The following MED13L variants were observed in gnomAD, a reference collection of about 807,000 sequenced individuals.
MED13L encodes mediator complex subunit 13L.
A neutral mutation model predicts 220.9 loss-of-function variants in MED13L; 7 were observed. That is an observed-to-expected ratio of 0.03 (90% CI 0.02 to 0.06). MED13L has a LOEUF of 0.06. Ranked by LOEUF, MED13L falls within the 10% of genes least tolerant of loss-of-function variation. MED13L has a pLI of 1.00. For missense variants in MED13L, 1,965 were observed against 2,760.5 expected, an observed-to-expected ratio of 0.71 and a Z score of 6.46; for synonymous variants, 1,011 against 1,015.2, an observed-to-expected ratio of 1.00 and a Z score of 0.08.
intron 2 of MED13L, among the ~76,000 whole-genome samples, chr12:116,180,931 CT>C (rs11320330): frequency 0.64 from 77,500 of 120,846 alleles, 22,870 homozygotes; most frequent in Admixed American, 0.7. Flanking sequence ...TTCTCTCTCT[CT>C]TTTTTTTTTT....
At chr12:115,988,904 T>C (rs1242930008) in intron 17 of MED13L, among the ~76,000 whole-genome samples, 2 of 152,244 alleles carry the variant, frequency 1.3e-5, no homozygotes, top group Non-Finnish European at 2.9e-5. Flanking sequence ...AAAGGCTGCA[T>C]TTTCTTCACT....
intron 2 of MED13L, among the ~76,000 whole-genome samples, chr12:116,136,444 G>A (rs1323521628): frequency 1.3e-5 from 2 of 152,142 alleles, no homozygotes; most frequent in Non-Finnish European, 1.5e-5. Flanking sequence ...AAGTGTGTAT[G>A]TGTGTGTGTA....
Position 116,014,405 on chromosome 12 carries a change from T to G in MED13L, c.1175+704A>C, listed in dbSNP as rs1478934108. Reference sequence around the variant, plus strand: ...ACTCATATTAAAACAGAGATGAAACTGTGCTGATTATGTTTACATAAATCT... The same window carrying G: ...ACTCATATTAAAACAGAGATGAAACGGTGCTGATTATGTTTACATAAATCT... On this transcript the variant is annotated intron_variant, in intron 8 of 30. Transcript: ENST00000281928. 1.3e-5 allele frequency among the ~76,000 whole-genome samples: 2 copies of G among 152,226 alleles called. 1 individual carries two copies. Among genetic ancestry groups the G allele is most frequent in the East Asian group, 3.8e-4 (2 of 5,198 alleles).
chr12:116,171,867 C>T (rs757751242), intron 2 of MED13L, among the ~76,000 whole-genome samples: 5 of 152,120 alleles, frequency 3.3e-5, no homozygotes, highest in African/African-American at 4.8e-5. Flanking sequence ...CACATGTATT[C>T]GTATTAAATT....
chr12:115,976,394 G>A (rs774068914), intron 23 of MED13L, among the ~76,000 whole-genome samples: 8 of 152,070 alleles, frequency 5.3e-5, no homozygotes, highest in African/African-American at 1.4e-4. Context: ...AAAAGAAGCC[G>A]AATGTGAAAG....
chr12:116,084,128 C>T (rs1186239689), intron 4 of MED13L, among the ~76,000 whole-genome samples: 2 of 152,130 alleles, frequency 1.3e-5, no homozygotes, highest in Non-Finnish European at 2.9e-5. Context: ...AAGGAAGAAT[C>T]CTCTAGTTTG....
intron 4 of MED13L, among the ~76,000 whole-genome samples, chr12:116,025,514 G>A (rs1880335688): frequency 6.6e-6 from 1 of 152,176 alleles, no homozygotes; most frequent in African/African-American, 2.4e-5. Context: ...TGAAGAAAAT[G>A]TGGTATATAA....
intron 2 of MED13L, among the ~76,000 whole-genome samples, chr12:116,118,416 CTA>C (rs1874717867): frequency 6.6e-6 from 1 of 152,022 alleles, no homozygotes; most frequent in Non-Finnish European, 1.5e-5. Context: ...TTTAAATTTC[CTA>C]TGTCTTAGAT....
chr12:116,151,974 A>G (rs917838486), intron 2 of MED13L, among the ~76,000 whole-genome samples: 1 of 152,196 alleles, frequency 6.6e-6, no homozygotes, highest in Non-Finnish European at 1.5e-5. Context: ...GACCCCTCAA[A>G]TACAACCTCT....
intron 4 of MED13L, among the ~76,000 whole-genome samples, chr12:116,047,886 T>C (rs1881933406): frequency 6.6e-6 from 1 of 152,158 alleles, no homozygotes; most frequent in Non-Finnish European, 1.5e-5. Flanking sequence ...TTCAATAGTA[T>C]GGAAAGGATA....
At chr12:116,075,397 T>G (rs1870701013) in intron 4 of MED13L, among the ~76,000 whole-genome samples, 1 of 152,226 alleles carries the variant, frequency 6.6e-6, no homozygotes, top group Non-Finnish European at 1.5e-5. Flanking sequence ...ATAAACGTCC[T>G]GCCCTTCTCC....
intron 14 of MED13L, among the ~76,000 whole-genome samples, chr12:116,000,407 C>CT (rs1878666295): frequency 1.3e-5 from 2 of 152,214 alleles, no homozygotes; most frequent in Admixed American, 1.3e-4. Context: ...TCCTGCCTAT[C>CT]TCTGCACTTC....
chr12:116,190,997 C>G (rs1272615944), intron 2 of MED13L, among the ~76,000 whole-genome samples: 3 of 150,182 alleles, frequency 2.0e-5, no homozygotes, highest in Non-Finnish European at 4.4e-5. Flanking sequence ...GATGCTGAGA[C>G]AGAAGAAGTG....
At chr12:116,100,584 G>A (rs1462377843) in intron 3 of MED13L, among the ~76,000 whole-genome samples, 1 of 121,420 alleles carries the variant, frequency 8.2e-6, no homozygotes, top group African/African-American at 3.2e-5. Flanking sequence ...TGGGTGAAAA[G>A]AGAGACTCCG....
chr12:116,135,503 C>G (rs991562086), intron 2 of MED13L, among the ~76,000 whole-genome samples: 2 of 152,168 alleles, frequency 1.3e-5, no homozygotes, highest in Non-Finnish European at 2.9e-5. Flanking sequence ...CTGAAACAAA[C>G]CATATCTATT....
At chr12:116,223,575 G>A (rs1217847567) in intron 2 of MED13L, among the ~76,000 whole-genome samples, 3 of 152,086 alleles carry the variant, frequency 2.0e-5, no homozygotes, top group African/African-American at 4.8e-5. Context: ...ATGGTGGTAC[G>A]TGCCTGTAGT....
intron 2 of MED13L, among the ~76,000 whole-genome samples, chr12:116,229,155 G>C (rs908505350): frequency 1.3e-5 from 2 of 152,040 alleles, no homozygotes; most frequent in African/African-American, 2.4e-5. Context: ...ATGGTGAGGG[G>C]GGCATCAAAC....
chr12:116,202,003 A>G (rs184011219), intron 2 of MED13L, among the ~76,000 whole-genome samples: 1 of 152,338 alleles, frequency 6.6e-6, no homozygotes, highest in Admixed American at 6.5e-5. Context: ...AAACTAAACT[A>G]GCTTTACAAA....
At chr12:116,230,729 A>T (rs2138430681) in intron 2 of MED13L, among the ~76,000 whole-genome samples, 1 of 152,314 alleles carries the variant, frequency 6.6e-6, no homozygotes, top group South Asian at 2.1e-4. Flanking sequence ...CTGTCAATTT[A>T]TATATAAAAT....
Sources: allele counts gnomAD v4.1 joint callset (sites outside exome capture counted in the v4.1 genomes callset), GRCh38; gene constraint gnomAD v4.1.1; transcripts MANE v1.5; gene names NCBI Gene and HGNC (gene_info 2026-07-23, HGNC 2026-07-21).